Variants in MAP4K4 observed in about 807,000 individuals in gnomAD.
MAP4K4 encodes the protein HPK/GCK-like kinase HGK.
A neutral mutation model predicts 189.6 loss-of-function variants in MAP4K4; 38 were observed. That is an observed-to-expected ratio of 0.20 (90% CI 0.15 to 0.26). The LOEUF is 0.26. Among genes scored for constraint, MAP4K4 ranks in the 10% least tolerant of loss-of-function variants. The pLI is 1.00. For missense variants in MAP4K4, 1,054 were observed against 1,726.9 expected, an observed-to-expected ratio of 0.61 and a Z score of 6.91; for synonymous variants, 610 against 624.3, an observed-to-expected ratio of 0.98 and a Z score of 0.34.
At position 101,779,522 on chromosome 2, in the gene MAP4K4, T is replaced by C. The variant is rs1006235087; in HGVS notation, c.124-11198T>C. ...TATAACACTGAGGAAAACTCATCTG[T>C]TTTAATAATATGGTTACTTGTAACT... On this transcript the variant is annotated intron_variant, in intron 2 of 32. Transcript: ENST00000324219. 1.5e-4 allele frequency among the ~76,000 whole-genome samples: 23 copies of C among 152,240 alleles called. 1 individual carries two copies. Among genetic ancestry groups the C allele is most frequent in the Non-Finnish European group, 2.8e-4 (19 of 68,044 alleles).
chr2:101,703,331 G>A (rs1222625859), intron 2 of MAP4K4, among the ~76,000 whole-genome samples: 1 of 152,130 alleles, frequency 6.6e-6, no homozygotes, highest in Non-Finnish European at 1.5e-5. Flanking sequence ...TGGGTACACG[G>A]TTTGCCCACA....
At chr2:101,726,067 A>T (rs1248268119) in intron 2 of MAP4K4, among the ~76,000 whole-genome samples, 1 of 152,138 alleles carries the variant, frequency 6.6e-6, no homozygotes, top group Non-Finnish European at 1.5e-5. Context: ...CAGGTTGGGT[A>T]TTGCTGCTAG....
At chr2:101,763,345 A>G (rs1296167255) in intron 2 of MAP4K4, among the ~76,000 whole-genome samples, 1 of 152,234 alleles carries the variant, frequency 6.6e-6, no homozygotes, top group African/African-American at 2.4e-5. Context: ...AAAGAGAAAG[A>G]AAACACAGTT....
At chr2:101,720,189 T>C (rs1329920965) in intron 2 of MAP4K4, among the ~76,000 whole-genome samples, 1 of 150,046 alleles carries the variant, frequency 6.7e-6, no homozygotes, top group Non-Finnish European at 1.5e-5. Context: ...AGTGGTGTTT[T>C]TTTTTTTTTT....
exon 30 of MAP4K4, chr2:101,887,210 A>T: frequency 6.2e-7 from 1 of 1,612,884 alleles, no homozygotes; most frequent in Non-Finnish European, 8.5e-7. Context: ...ATTCAGGATC[A>T]GTCTATGACA....
intron 2 of MAP4K4, among the ~76,000 whole-genome samples, chr2:101,707,511 CCTGT>C (rs1357330994): frequency 2.0e-5 from 3 of 151,828 alleles, no homozygotes; most frequent in East Asian, 1.9e-4. Context: ...CCCTGGTCTG[CCTGT>C]CTGTCTGTGT....
intron 2 of MAP4K4, among the ~76,000 whole-genome samples, chr2:101,741,164 A>ATTT (rs11341237): frequency 3.6e-5 from 4 of 111,398 alleles, no homozygotes; most frequent in Non-Finnish European, 5.4e-5. Flanking sequence ...GGTAGTAGGT[A>ATTT]TTTTTTTTTT....
intron 9 of MAP4K4, among the ~76,000 whole-genome samples, chr2:101,837,171 C>T (rs1191917084): frequency 2.0e-5 from 3 of 149,094 alleles, no homozygotes; most frequent in Non-Finnish European, 4.4e-5. Context: ...GTTCTTGACT[C>T]TCCTTCTGAA....
chr2:101,811,028 C>T (rs2095387927), intron 3 of MAP4K4, among the ~76,000 whole-genome samples: 1 of 152,166 alleles, frequency 6.6e-6, no homozygotes, highest in African/African-American at 2.4e-5. Context: ...TTCTTGATTT[C>T]TTTTAACAGA....
At chr2:101,885,564 C>T (rs2098468624) in intron 29 of MAP4K4, among the ~76,000 whole-genome samples, 1 of 152,180 alleles carries the variant, frequency 6.6e-6, no homozygotes, top group African/African-American at 2.4e-5. Flanking sequence ...AGTACTTCCA[C>T]CCTTCAGTTA....
chr2:101,779,157 G>A (rs375695966), intron 2 of MAP4K4, among the ~76,000 whole-genome samples: 12 of 152,092 alleles, frequency 7.9e-5, no homozygotes, highest in Admixed American at 6.5e-4. Flanking sequence ...CTTCTTTATC[G>A]GCCCTTCCTT....
At chr2:101,704,531 GTGTGTGTGTGTATA>G (rs1285489390) in intron 2 of MAP4K4, among the ~76,000 whole-genome samples, 1 of 64,860 alleles carries the variant, frequency 1.5e-5, no homozygotes, top group East Asian at 5.5e-4. Flanking sequence ...ATGTGTGTGT[GTGTGTGTGTGTATA>G]TATATATATA....
At chr2:101,775,220 C>G (rs988494426) in intron 2 of MAP4K4, among the ~76,000 whole-genome samples, 1 of 151,702 alleles carries the variant, frequency 6.6e-6, no homozygotes, top group Non-Finnish European at 1.5e-5. Context: ...GGACAGCTGG[C>G]CTATATCCAC....
chr2:101,863,989 G>C, exon 17 of MAP4K4: 1 of 1,367,716 alleles, frequency 7.3e-7, no homozygotes, highest in African/African-American at 1.5e-5. Flanking sequence ...CTCTAAGTCA[G>C]AGGCGCCTGA....
chr2:101,783,939 G>A (rs1302957801), intron 2 of MAP4K4, among the ~76,000 whole-genome samples: 1 of 152,192 alleles, frequency 6.6e-6, no homozygotes. Context: ...TCTAGTCTTG[G>A]GGGGATTCAT....
intron 2 of MAP4K4, among the ~76,000 whole-genome samples, chr2:101,790,150 C>T (rs1575592716): frequency 1.3e-5 from 2 of 152,198 alleles, no homozygotes; most frequent in East Asian, 3.9e-4. Context: ...AGGAGAGCTT[C>T]AAAGAAGACT....
intron 12 of MAP4K4, among the ~76,000 whole-genome samples, chr2:101,850,939 T>C (rs561237721): frequency 1.3e-5 from 2 of 149,652 alleles, no homozygotes; most frequent in East Asian, 3.9e-4. Context: ...TGTAGTAACA[T>C]GACCGCAGAA....
chr2:101,834,241 C>CATCCCTCCCTT (rs1559122794), intron 7 of MAP4K4, among the ~76,000 whole-genome samples, 168 bp from the exon 8 acceptor site: 1 of 131,316 alleles, frequency 7.6e-6, no homozygotes, highest in Non-Finnish European at 1.7e-5. Context: ...TCCCTTCCTC[C>CATCCCTCCCTT]CCTCCCCTCC....
At chr2:101,786,126 G>C (rs1006888980) in intron 2 of MAP4K4, among the ~76,000 whole-genome samples, 44 of 152,138 alleles carry the variant, frequency 2.9e-4, no homozygotes, top group African/African-American at 1.0e-3. Context: ...CACCCGGCCG[G>C]CATCTTTTTC....
Sources: allele counts gnomAD v4.1 joint callset (sites outside exome capture counted in the v4.1 genomes callset), GRCh38; gene constraint gnomAD v4.1.1; transcripts MANE v1.5; gene names NCBI Gene and HGNC (gene_info 2026-07-23, HGNC 2026-07-21).